The following MTSS1 variants were observed in gnomAD, a reference collection of about 807,000 sequenced individuals.
MTSS1 encodes protein MTSS 1.
MTSS1 carries 18 observed loss-of-function variants against 79.0 expected under a neutral mutation model. The observed-to-expected ratio is 0.23, with a 90% CI of 0.16 to 0.34. The LOEUF (loss-of-function observed/expected upper bound fraction) is 0.34, where lower values mean the gene tolerates loss of function less well. Among genes scored for constraint, MTSS1 ranks in the 10% least tolerant of loss-of-function variants. MTSS1 has a pLI of 1.00. For missense variants in MTSS1, 815 were observed against 986.2 expected, an observed-to-expected ratio of 0.83 and a Z score of 2.33; for synonymous variants, 341 against 368.6, an observed-to-expected ratio of 0.93 and a Z score of 0.86.
intron 1 of MTSS1, among the ~76,000 whole-genome samples, chr8:124,715,558 A>C (rs898735705): frequency 2.0e-5 from 3 of 152,080 alleles, no homozygotes; most frequent in Admixed American, 2.0e-4. Flanking sequence ...TGGAACGGAG[A>C]CAGATAGCAC....
chr8:124,619,834 G>A (rs887754728), intron 3 of MTSS1, among the ~76,000 whole-genome samples: 12 of 152,224 alleles, frequency 7.9e-5, no homozygotes, highest in Non-Finnish European at 1.6e-4. Context: ...CATTGCTGAC[G>A]CTCTGTCGTC....
intron 3 of MTSS1, among the ~76,000 whole-genome samples, chr8:124,656,596 AC>A (rs1820982625): frequency 6.6e-6 from 1 of 151,866 alleles, no homozygotes. Context: ...ACATGGTGAA[AC>A]CCTGTCTCTA....
chr8:124,690,135 G>T (rs77806582), intron 3 of MTSS1, among the ~76,000 whole-genome samples: 332 of 152,248 alleles, frequency 2.2e-3, no homozygotes, highest in African/African-American at 7.8e-3. Context: ...TCCAAGCTTG[G>T]ACCTTCCTCC....
At chr8:124,559,090 A>G (rs1824696688) in intron 10 of MTSS1, among the ~76,000 whole-genome samples, 2 of 152,312 alleles carry the variant, frequency 1.3e-5, no homozygotes, top group South Asian at 4.1e-4. Context: ...CTAGGTCACT[A>G]GACTGTGGGT....
intron 10 of MTSS1, among the ~76,000 whole-genome samples, chr8:124,561,224 C>T (rs940559455): frequency 6.6e-6 from 1 of 152,154 alleles, no homozygotes; most frequent in African/African-American, 2.4e-5. Flanking sequence ...CTGAGGTCAG[C>T]CTGACCAGCC....
intron 12 of MTSS1, 73 bp downstream of exon 12, chr8:124,556,159 A>T: frequency 6.2e-7 from 1 of 1,605,128 alleles, no homozygotes; most frequent in Non-Finnish European, 8.5e-7. Flanking sequence ...TTGGCCCCCC[A>T]GTTGCTGGCC....
chr8:124,618,899 A>T (rs1812918424), intron 3 of MTSS1, among the ~76,000 whole-genome samples: 1 of 152,258 alleles, frequency 6.6e-6, no homozygotes, highest in Non-Finnish European at 1.5e-5. Context: ...ATTTTACACT[A>T]ACACAACAGT....
intron 3 of MTSS1, among the ~76,000 whole-genome samples, chr8:124,658,390 T>C (rs1238686044): frequency 6.6e-6 from 1 of 152,212 alleles, no homozygotes; most frequent in African/African-American, 2.4e-5. Context: ...TTTCATCTTC[T>C]ACCATGATTG....
intron 1 of MTSS1, among the ~76,000 whole-genome samples, chr8:124,707,633 G>A (rs568810491): frequency 3.8e-4 from 58 of 152,088 alleles, no homozygotes; most frequent in Admixed American, 7.2e-4. Context: ...GCTTGAACCC[G>A]GAAAGTGGAG....
chr8:124,706,968 G>C (rs747507146), intron 1 of MTSS1, among the ~76,000 whole-genome samples: 2 of 152,174 alleles, frequency 1.3e-5, no homozygotes, highest in African/African-American at 2.4e-5. Flanking sequence ...TCTCTGTCCA[G>C]AGGGACAGCA....
At chr8:124,685,345 A>T (rs1826783371) in intron 3 of MTSS1, among the ~76,000 whole-genome samples, 1 of 152,244 alleles carries the variant, frequency 6.6e-6, no homozygotes, top group Non-Finnish European at 1.5e-5. Context: ...AATAAAAGAA[A>T]GGAGCCTGGA....
intron 2 of MTSS1, among the ~76,000 whole-genome samples, chr8:124,700,247 T>C (rs1829520810): frequency 6.6e-6 from 1 of 151,704 alleles, no homozygotes; most frequent in South Asian, 2.1e-4. Flanking sequence ...AAAATATAAG[T>C]GGTAGAGGTG....
Position 124,568,362 on chromosome 8 carries a change from GT to G in MTSS1, c.618+16del, listed in dbSNP as rs1826982948. ...ACACCAGCAGTTTAAACCTTCTGGAGTTTTCCATTAACTTACAATCACTGGC... is the reference window on the plus strand; with the variant it reads ...ACACCAGCAGTTTAAACCTTCTGGAGTTTCCATTAACTTACAATCACTGGC... On this transcript the variant is annotated intron_variant, in intron 7 of 13. Coordinates refer to ENST00000518547, the MANE Select transcript of MTSS1 (RefSeq NM_014751.6). 1.9e-6 allele frequency: 3 copies of G among 1,608,958 alleles called. No individual in the cohort carries two copies. The highest frequency in any genetic ancestry group is 1.7e-5 in the Admixed American group (1 of 59,736).
chr8:124,625,885 A>G (rs905705104), intron 3 of MTSS1, among the ~76,000 whole-genome samples: 6 of 152,204 alleles, frequency 3.9e-5, no homozygotes, highest in African/African-American at 1.4e-4. Flanking sequence ...CATCAGGATT[A>G]TATCCATGCA....
intron 1 of MTSS1, among the ~76,000 whole-genome samples, chr8:124,707,663 G>A (rs1037055414): frequency 1.3e-5 from 2 of 151,714 alleles, no homozygotes; most frequent in Admixed American, 6.6e-5. Context: ...AGCCGAGATC[G>A]CACCACTGCA....
chr8:124,576,321 G>A (rs1186328390), intron 6 of MTSS1, among the ~76,000 whole-genome samples: 2 of 152,154 alleles, frequency 1.3e-5, no homozygotes, highest in East Asian at 3.8e-4. Context: ...GGGCAGAAGT[G>A]TGAGGAATCT....
chr8:124,626,737 C>A (rs1016212391), intron 3 of MTSS1, among the ~76,000 whole-genome samples: 1 of 152,008 alleles, frequency 6.6e-6, no homozygotes, highest in Non-Finnish European at 1.5e-5. Context: ...GAGGACCAAT[C>A]AGCAGGCCGC....
chr8:124,586,188 C>A (rs1383984666), intron 5 of MTSS1, among the ~76,000 whole-genome samples: 1 of 152,180 alleles, frequency 6.6e-6, no homozygotes, highest in African/African-American at 2.4e-5. Flanking sequence ...TTGCCAGCTG[C>A]TGTACATTTC....
chr8:124,646,034 C>T (rs1818941911), intron 3 of MTSS1, among the ~76,000 whole-genome samples: 1 of 152,208 alleles, frequency 6.6e-6, no homozygotes, highest in Admixed American at 6.5e-5. Flanking sequence ...ATAAAACACA[C>T]TTTAAAAACA....
Sources: gnomAD v4.1 joint callset for allele counts (sites outside exome capture counted in the v4.1 genomes callset) on GRCh38, gnomAD v4.1.1 for gene constraint, MANE v1.5 for transcripts, NCBI Gene and HGNC (gene_info 2026-07-23, HGNC 2026-07-21) for gene names.